Variants in GTF2H4 observed in about 807,000 individuals in gnomAD.
GTF2H4 encodes the protein BTF2 p52.
In GTF2H4, 49 loss-of-function variants were observed where a neutral mutation model predicts 62.2. The ratio of observed to expected loss-of-function variants is 0.79; its 90% confidence interval spans 0.63 to 1.00. GTF2H4 has a LOEUF of 1.00. Among genes scored for constraint, GTF2H4 ranks in the 50% least tolerant of loss-of-function variants. The probability of loss-of-function intolerance (pLI) is 0.00; values close to 1 mark genes in which losing one functional copy is unlikely to be tolerated. For synonymous variants in GTF2H4, 189 were observed against 233.8 expected, an observed-to-expected ratio of 0.81 and a Z score of 1.75; for missense variants, 479 against 587.8, an observed-to-expected ratio of 0.81 and a Z score of 1.91.
chr6:30,911,526 G>A lies in GTF2H4; in HGVS notation c.741+27G>A, dbSNP rs1232679231. 2 of 1,596,176 alleles carry A rather than the reference G, an allele frequency of 1.3e-6. No individual in the cohort carries two copies. The highest frequency in any genetic ancestry group is 2.2e-5 in the South Asian group (2 of 90,722). On this transcript the variant is annotated intron_variant, in intron 8 of 13. Transcript: ENST00000259895. This position sits in a 1 kb window ranked among gnomAD's most constrained non-coding sequence, Gnocchi z 4.3. ...TAAGCAGGGGGCTGAAAGGTATAGA[G>A]ATGGGAAGGGGAAAGCAAGTTGTGG...
chr6:30,913,675 T>G lies in GTF2H4; in HGVS notation c.1217-136T>G, dbSNP rs1359615698. The G allele has an allele frequency of 8.2e-5, 66 of 808,302 alleles. No homozygotes were observed. In the Admixed American group the frequency reaches 2.1e-3, roughly 25 times the overall value. 50.1% of individuals were successfully genotyped at this position (808,302 alleles called of 1,614,324 possible). The stretch of plus-strand genomic sequence containing the variant: ...TGAGCAGACAAGCATAGAGAATTAG[T>G]TTGTAAAATTGCGGTGGGGGCAAGC... On this transcript the variant is annotated intron_variant, in intron 13 of 13. Coordinates refer to ENST00000259895, the MANE Select transcript of GTF2H4 (RefSeq NM_001517.5). This position sits in a 1 kb window ranked among gnomAD's most constrained non-coding sequence, Gnocchi z 4.2.
Position 30,910,849 on chromosome 6 carries a change from T to G in GTF2H4, c.472-4T>G, listed in dbSNP as rs372426540. ...TGGTCTCCCTGTTCTCTTCTGTTCT[T>G]CAGGTGGTCTTGCACTTCATGGTGG... On this transcript the variant is annotated splice_polypyrimidine_tract_variant and splice_region_variant and intron_variant, in intron 5 of 13. Transcript: ENST00000259895. The surrounding 1 kb of genome is among the most constrained non-coding windows in gnomAD (Gnocchi z 4.7). 2.5e-6 allele frequency: 4 copies of G among 1,612,136 alleles called. No homozygotes were observed. The highest frequency in any genetic ancestry group is 2.5e-6 in the Non-Finnish European group (3 of 1,179,486).
rs766631233 is a variant in GTF2H4 at position 30,913,153 on chromosome 6, A to G, written c.1133A>G (p.Lys378Arg). The G allele has an allele frequency of 1.2e-6, 2 of 1,614,062 alleles. No homozygotes were observed. Among genetic ancestry groups the G allele is most frequent in the South Asian group, 1.1e-5 (1 of 91,086 alleles). The change falls in exon 12 of 14, where the codon AAA becomes AGA. Residue 378 changes from lysine to arginine, a missense_variant. Transcript: ENST00000259895. This position sits in a 1 kb window ranked among gnomAD's most constrained non-coding sequence, Gnocchi z 4.2. ...ACAAGAGCCCACCCAGTGATGCTCAAACAGGTATAGACAGGCTCCAAGATG... is the reference window on the plus strand; with the variant it reads ...ACAAGAGCCCACCCAGTGATGCTCAGACAGGTATAGACAGGCTCCAAGATG... Reference protein sequence around the residue: ...LRTRAHPVMLKQTPVLPPTIT... With the variant: ...LRTRAHPVMLRQTPVLPPTIT...
At position 30,911,365 on chromosome 6, in the gene GTF2H4, C is replaced by A; in HGVS notation, c.673-66C>A. 1 of 1,537,840 alleles carries A rather than the reference C, an allele frequency of 6.5e-7. No homozygotes were observed. The highest frequency in any genetic ancestry group is 9.0e-7 in the Non-Finnish European group (1 of 1,112,052). ...AGACTGTTCCCTGATTTTCTCTTCT[C>A]TGTCCCTTTCTTCCCATTGTCTCCC... On this transcript the variant is annotated intron_variant, in intron 7 of 13. Coordinates refer to ENST00000259895, the MANE Select transcript of GTF2H4 (RefSeq NM_001517.5). This position sits in a 1 kb window ranked among gnomAD's most constrained non-coding sequence, Gnocchi z 4.3.
rs1447689973 is a variant in GTF2H4 at position 30,908,208 on chromosome 6, C to T, written c.-199C>T. The T allele has an allele frequency of 6.5e-6, 1 of 152,734 alleles. No homozygotes were observed. The highest frequency in any genetic ancestry group is 2.4e-5 in the African/African-American group (1 of 41,466). 9.5% of individuals were successfully genotyped at this position (152,734 alleles called of 1,614,324 possible). ...TATTCTCATCCTCTTCACTTTTCCACTCCTCCCCTTACCTCCCTTCTCTTC... is the reference window on the plus strand; with the variant it reads ...TATTCTCATCCTCTTCACTTTTCCATTCCTCCCCTTACCTCCCTTCTCTTC... On this transcript the variant is annotated 5_prime_UTR_variant, in exon 1 of 14. Coordinates refer to ENST00000259895, the MANE Select transcript of GTF2H4 (RefSeq NM_001517.5).
At position 30,913,220 on chromosome 6, in the gene GTF2H4, A is replaced by AG. The variant is rs1208053819; in HGVS notation, c.1137+67dup. The stretch of plus-strand genomic sequence containing the variant: ...GGTGATGACATGATGGAAAAGAAAA[A>AG]GGGGCATCCAAATCTGGGGAAGAAA... On this transcript the variant is annotated intron_variant, in intron 12 of 13. Coordinates refer to ENST00000259895, the MANE Select transcript of GTF2H4 (RefSeq NM_001517.5). This position sits in a 1 kb window ranked among gnomAD's most constrained non-coding sequence, Gnocchi z 4.2. 7 of 1,612,270 alleles carry AG rather than the reference A, an allele frequency of 4.3e-6. No homozygotes were observed. Among genetic ancestry groups the AG allele is most frequent in the Non-Finnish European group, 5.9e-6 (7 of 1,178,746 alleles).
chr6:30,908,418 G>A lies in GTF2H4; in HGVS notation c.-4+15G>A, dbSNP rs1375666305. 6.3e-6 allele frequency: 1 copy of A among 158,958 alleles called. No homozygotes were observed. Among genetic ancestry groups the A allele is most frequent in the Non-Finnish European group, 1.4e-5 (1 of 70,664 alleles). 9.8% of individuals were successfully genotyped at this position (158,958 alleles called of 1,614,324 possible). A position where few individuals can be genotyped will look rare whatever the true frequency, so the allele number is the denominator to read the frequency against. ...TCGACAGAGTGGTGAGGGGACCTAG[G>A]AGGGCGGGAGTGGCAGAGGTATGAG... On this transcript the variant is annotated intron_variant, in intron 1 of 13. Transcript: ENST00000259895.
At position 30,912,256 on chromosome 6, in the gene GTF2H4, A is replaced by C; in HGVS notation, c.959-72A>C. The C allele has an allele frequency of 6.2e-7, 1 of 1,602,176 alleles. No homozygotes were observed. The highest frequency in any genetic ancestry group is 8.5e-7 in the Non-Finnish European group (1 of 1,172,992). On this transcript the variant is annotated intron_variant, in intron 10 of 13. Transcript: ENST00000259895. This position sits in a 1 kb window ranked among gnomAD's most constrained non-coding sequence, Gnocchi z 4.8. ...AGAGCTCTCTGACATTTCTCATGAC[A>C]CTTGAAAGAAGGGCTTGAGGGAGTC...
chr6:30,912,129 G>A lies in GTF2H4; in HGVS notation c.941G>A (p.Arg314Gln), dbSNP rs374731704. 1.2e-6 allele frequency: 2 copies of A among 1,612,836 alleles called. No individual in the cohort carries two copies. The highest frequency in any genetic ancestry group is 1.7e-6 in the Non-Finnish European group (2 of 1,180,024). ...TTCATTGTCGTGGAAACCAATTACC[G>A]ACTGTATGCCTACACGGGTGAGGCG... The part of the protein sequence containing the change: ...PGFIVVETNY[R>Q]LYAYTESELQ... Residue 314 changes from arginine (R) to glutamine (Q), a missense_variant, in exon 10 of 14, where the codon CGA becomes CAA. Arg to Gln is a conservative substitution (Grantham distance 43). Transcript: ENST00000259895. This position sits in a 1 kb window ranked among gnomAD's most constrained non-coding sequence, Gnocchi z 4.8.
Position 30,911,064 on chromosome 6 carries a change from T to C in GTF2H4, c.561-94T>C, listed in dbSNP as rs1054903715. ...TGGAAAAGGCAAGCTGAGTAGAATA[T>C]AGCCAGAGATACCAAGAAAAAACGT... On this transcript the variant is annotated intron_variant, in intron 6 of 13. Transcript: ENST00000259895. The surrounding 1 kb of genome is among the most constrained non-coding windows in gnomAD (Gnocchi z 4.3). 5.3e-6 allele frequency: 7 copies of C among 1,309,494 alleles called. No individual in the cohort carries two copies. The highest frequency in any genetic ancestry group is 1.2e-5 in the South Asian group (1 of 83,330). 81.1% of individuals were successfully genotyped at this position (1,309,494 alleles called of 1,614,324 possible).
chr6:30,911,345 G>A lies in GTF2H4; in HGVS notation c.672+76G>A. The A allele has an allele frequency of 1.3e-6, 2 of 1,525,098 alleles. No homozygotes were observed. Among genetic ancestry groups the A allele is most frequent in the East Asian group, 2.2e-5 (1 of 44,456 alleles). The allele number at this position is 1,525,098 out of a possible 1,614,324, so 94.5% of individuals were successfully genotyped here. ...ACTGAGAGACTCCTGCCTACAGACT[G>A]TTCCCTGATTTTCTCTTCTCTGTCC... On this transcript the variant is annotated intron_variant, in intron 7 of 13. Coordinates refer to ENST00000259895, the MANE Select transcript of GTF2H4 (RefSeq NM_001517.5). The surrounding 1 kb of genome is among the most constrained non-coding windows in gnomAD (Gnocchi z 4.3).
At position 30,913,912 on chromosome 6, in the gene GTF2H4, C is replaced by T; in HGVS notation, c.1318C>T (p.Leu440Phe). 2 of 1,609,978 alleles carry T rather than the reference C, an allele frequency of 1.2e-6. No homozygotes were observed. Among genetic ancestry groups the T allele is most frequent in the African/African-American group, 1.3e-5 (1 of 74,848 alleles). ...VLVFENSAKR[L>F]MVVTPAGHSD... ...CGTGTTCGAGAACTCGGCCAAGCGG[C>T]TCATGGTGGTGACCCCGGCCGGGCA... is the stretch of plus-strand genomic sequence containing the variant. Residue 440 changes from leucine to phenylalanine, a missense_variant, in exon 14 of 14, where the codon CTC (leucine) becomes TTC (phenylalanine). Physicochemically the swap from Leu to Phe is conservative, Grantham distance 22. Transcript: ENST00000259895. This position sits in a 1 kb window ranked among gnomAD's most constrained non-coding sequence, Gnocchi z 4.2.
rs1363593376 is a variant in GTF2H4, at chr6:30,910,984, C to T, written c.560+43C>T. On this transcript the variant is annotated intron_variant, in intron 6 of 13. Coordinates refer to ENST00000259895, the MANE Select transcript of GTF2H4 (RefSeq NM_001517.5). The surrounding 1 kb of genome is among the most constrained non-coding windows in gnomAD (Gnocchi z 4.7). Reference sequence around the variant, plus strand: ...ACAGCAGCTCTCTGCTGTGCCATCTCCTTGGGTCCCTAAGAAATGGTATCT... The same window carrying T: ...ACAGCAGCTCTCTGCTGTGCCATCTTCTTGGGTCCCTAAGAAATGGTATCT... 3 of 1,492,674 alleles carry T rather than the reference C, an allele frequency of 2.0e-6. No homozygotes were observed. Among genetic ancestry groups the T allele is most frequent in the African/African-American group, 2.8e-5 (2 of 72,692 alleles). 92.5% of individuals were successfully genotyped at this position (1,492,674 alleles called of 1,614,324 possible).
chr6:30,913,149 C>T lies in GTF2H4; in HGVS notation c.1129C>T (p.Leu377Phe), dbSNP rs1373250196. ...AAGGACAAGAGCCCACCCAGTGATG[C>T]TCAAACAGGTATAGACAGGCTCCAA... ...FLRTRAHPVMLKQTPVLPPTI... is the reference protein window; with the variant it reads ...FLRTRAHPVMFKQTPVLPPTI... The change falls in exon 12 of 14, where the codon CTC (leucine) becomes TTC (phenylalanine). Residue 377 changes from leucine (L) to phenylalanine (F), a missense_variant. Transcript: ENST00000259895. The surrounding 1 kb of genome is among the most constrained non-coding windows in gnomAD (Gnocchi z 4.2). 1 of 1,614,158 alleles carries T rather than the reference C, an allele frequency of 6.2e-7. No individual in the cohort carries two copies.
rs995085664 is a variant in GTF2H4 at position 30,909,310 on chromosome 6, G to A, written c.138-125G>A. Reference sequence around the variant, plus strand: ...TTGGAAATTGCTCTAAAGTGTGGAGGCCAAAACAGCAGGACTGGTAAAGTT... The same window carrying A: ...TTGGAAATTGCTCTAAAGTGTGGAGACCAAAACAGCAGGACTGGTAAAGTT... On this transcript the variant is annotated intron_variant, in intron 2 of 13. Transcript: ENST00000259895. The surrounding 1 kb of genome is among the most constrained non-coding windows in gnomAD (Gnocchi z 4.3). 9 of 1,243,128 alleles carry A rather than the reference G, an allele frequency of 7.2e-6. No homozygotes were observed. Among genetic ancestry groups the A allele is most frequent in the African/African-American group, 6.0e-5 (4 of 67,194 alleles). The allele number at this position is 1,243,128 out of a possible 1,614,324, so 77.0% of individuals were successfully genotyped here.
rs748729930 is a variant in GTF2H4 at position 30,909,908 on chromosome 6, C to G, written c.243-24C>G. 2.5e-6 allele frequency: 4 copies of G among 1,601,948 alleles called. No individual in the cohort carries two copies. The African/African-American group carries it at 5.4e-5, about 22-fold the overall frequency. ...TCCTTTTTGTTTTCCAAATACCCTA[C>G]TCACCTCTCTGCTTCTGTTCCAGGG... is the stretch of plus-strand genomic sequence containing the variant. On this transcript the variant is annotated intron_variant, in intron 3 of 13. Coordinates refer to ENST00000259895, the MANE Select transcript of GTF2H4 (RefSeq NM_001517.5). This position sits in a 1 kb window ranked among gnomAD's most constrained non-coding sequence, Gnocchi z 4.3.
At position 30,913,264 on chromosome 6, in the gene GTF2H4, G is replaced by A. The variant is rs772528714; in HGVS notation, c.1138-45G>A. 1.1e-4 allele frequency: 178 copies of A among 1,612,538 alleles called. No individual in the cohort carries two copies. Among genetic ancestry groups the A allele is most frequent in the Non-Finnish European group, 5.9e-5 (70 of 1,178,892 alleles). Reference sequence around the variant, plus strand: ...GAAGAAACAGAGGGCCGGGTTGTCTGGGGCAGTATTCTGAGTCCCTACAGT... The same window carrying A: ...GAAGAAACAGAGGGCCGGGTTGTCTAGGGCAGTATTCTGAGTCCCTACAGT... On this transcript the variant is annotated intron_variant, in intron 12 of 13. Coordinates refer to ENST00000259895, the MANE Select transcript of GTF2H4 (RefSeq NM_001517.5). The surrounding 1 kb of genome is among the most constrained non-coding windows in gnomAD (Gnocchi z 4.2).
Position 30,909,527 on chromosome 6 carries a change from A to G in GTF2H4, c.230A>G (p.Lys77Arg). 6.2e-7 allele frequency: 1 copy of G among 1,604,326 alleles called. No homozygotes were observed. The highest frequency in any genetic ancestry group is 8.5e-7 in the Non-Finnish European group (1 of 1,172,118). Residue 77 changes from lysine to arginine, a missense_variant, in exon 3 of 14, where the codon AAG becomes AGG. Transcript: ENST00000259895. The surrounding 1 kb of genome is among the most constrained non-coding windows in gnomAD (Gnocchi z 4.3). ...PQAAVALWVK[K>R]EFSKAQEEST... ...GCTGCTGTAGCTCTGTGGGTAAAGAAGGAATTCAGCAAGTAAGTCTCAGCC... is the reference window on the plus strand; with the variant it reads ...GCTGCTGTAGCTCTGTGGGTAAAGAGGGAATTCAGCAAGTAAGTCTCAGCC...
Position 30,913,876 on chromosome 6 carries a change from C to G in GTF2H4, c.1282C>G (p.Leu428Val), listed in dbSNP as rs763637545. Residue 428 changes from leucine (L) to valine (V), a missense_variant, in exon 14 of 14, where the codon CTG becomes GTG. Transcript: ENST00000259895. The surrounding 1 kb of genome is among the most constrained non-coding windows in gnomAD (Gnocchi z 4.2). ...FELLLAHARE[L>V]GVLVFENSAK... is the part of the protein sequence containing the mutation. ...GCTGCTGCTGGCCCACGCGCGGGAG[C>G]TGGGCGTGCTCGTGTTCGAGAACTC... 42 of 1,608,914 alleles carry G rather than the reference C, an allele frequency of 2.6e-5. No homozygotes were observed. The South Asian group carries it at 4.4e-4, about 17-fold the overall frequency.
Sources: gnomAD v4.1 joint callset for allele counts on GRCh38, gnomAD v4.1.1 for gene constraint, Gnocchi (gnomAD v3.1) non-coding constraint, MANE v1.5 for transcripts, NCBI Gene and HGNC (gene_info 2026-07-23, HGNC 2026-07-21) for gene names.